SH2B2: variants seen among roughly 807,000 people sequenced by gnomAD.
SH2B2 encodes the protein SH2B adapter protein 2.
A neutral mutation model predicts 35.7 loss-of-function variants in SH2B2; 37 were observed. The ratio of observed to expected loss-of-function variants is 1.04; its 90% CI spans 0.80 to 1.36. The LOEUF is 1.36. Ranked by LOEUF, SH2B2 falls within the 40% of genes most tolerant of loss-of-function variation. The pLI is 0.00. For missense variants in SH2B2, 852 were observed against 817.7 expected (o/e 1.04, Z -0.51); for synonymous variants, 383 against 376.4 (o/e 1.02, Z -0.20).
intron 7 of SH2B2, among the ~76,000 whole-genome samples, chr7:102,319,520 G>A (rs1472011761): frequency 2.6e-5 from 4 of 152,120 alleles, no homozygotes; most frequent in South Asian, 2.1e-4. Flanking sequence ...GATTACAGGC[G>A]TGAGCCACCA....
chr7:102,318,655 G>T (rs781811524), intron 7 of SH2B2, among the ~76,000 whole-genome samples: 5 of 151,972 alleles, frequency 3.3e-5, no homozygotes, highest in Admixed American at 6.6e-5. Flanking sequence ...GCCTGCAGCT[G>T]GGGGACAGTG....
intron 7 of SH2B2, among the ~76,000 whole-genome samples, chr7:102,318,823 C>T (rs1329690200): frequency 6.6e-6 from 1 of 152,232 alleles, no homozygotes; most frequent in Non-Finnish European, 1.5e-5. Context: ...GTTCCTCCGA[C>T]AACCAGGTGC....
rs1554553834 is a variant in SH2B2, at chr7:102,301,270, G to A, written c.720G>A (p.Val240=). 1 of 1,603,814 alleles carries A rather than the reference G, an allele frequency of 6.2e-7. No homozygotes were observed. ...AEERFRLEFF[V]PPKASRPKVS... ...AACGCTTCCGCCTGGAGTTCTTCGT[G>A]CCGCCCAAAGTGAGTTACCCCATAA... The change falls in exon 2 of 9, where the codon GTG becomes GTA. Residue 240 remains valine (V), a synonymous_variant. Transcript: ENST00000444095.
intron 1 of SH2B2, 148 bp from the exon 2 acceptor site, chr7:102,300,374 C>A: frequency 9.5e-7 from 1 of 1,051,644 alleles, no homozygotes; most frequent in Non-Finnish European, 1.3e-6. Context: ...CTTGGAATGG[C>A]TGCCTGCTGT....
intron 2 of SH2B2, among the ~76,000 whole-genome samples, chr7:102,301,559 CGTGTGTGTGT>C (rs144412397): frequency 6.9e-6 from 1 of 145,072 alleles, no homozygotes; most frequent in Non-Finnish European, 1.5e-5. Flanking sequence ...TGTGTGTGTC[CGTGTGTGTGT>C]GTGTGTGTGT....
chr7:102,306,865 A>C, intron 3 of SH2B2, 43 bp downstream of exon 3: 1 of 1,458,074 alleles, frequency 6.9e-7, no homozygotes, highest in South Asian at 1.2e-5. Context: ...CAGCTGCCCC[A>C]GGCCACCTTC....
chr7:102,313,721 C>T (rs1370027384), intron 4 of SH2B2, among the ~76,000 whole-genome samples: 1 of 151,824 alleles, frequency 6.6e-6, no homozygotes, highest in Non-Finnish European at 1.5e-5. Flanking sequence ...ACCAGCCTGG[C>T]CAACACAGTG....
chr7:102,300,477 T>G (rs1411724471), intron 1 of SH2B2, 45 bp from the exon 2 acceptor site: 1 of 1,484,046 alleles, frequency 6.7e-7, no homozygotes, highest in Admixed American at 2.3e-5. Flanking sequence ...GGTGGGCGCA[T>G]TGATCACAGG....
chr7:102,293,034 G>C (rs1270025578), intron 1 of SH2B2: 1 of 153,546 alleles, frequency 6.5e-6, no homozygotes. Context: ...GGAGGTGGGC[G>C]GGGCTCCTGC....
intron 2 of SH2B2, among the ~76,000 whole-genome samples, chr7:102,303,655 C>T (rs1793279738): frequency 1.3e-5 from 2 of 152,194 alleles, no homozygotes; most frequent in Admixed American, 6.5e-5. Flanking sequence ...TGGGAGAAAT[C>T]CTAGACCCCT....
intron 6 of SH2B2, among the ~76,000 whole-genome samples, chr7:102,316,816 T>G (rs1231476530): frequency 3.3e-5 from 5 of 152,044 alleles, no homozygotes; most frequent in Non-Finnish European, 7.4e-5. Context: ...GTCAGGAGTT[T>G]GAGACCAGCC....
chr7:102,311,554 CT>C (rs1171961750), intron 4 of SH2B2, among the ~76,000 whole-genome samples: 5,400 of 104,430 alleles, frequency 0.052, 170 homozygotes, highest in African/African-American at 0.098. Context: ...TGCAACTGGC[CT>C]TTTTTTTTTT....
chr7:102,320,387 C>G lies in SH2B2; in HGVS notation c.1452C>G (p.Phe484Leu). ...AGTGTCACGTACAGCATCTGTGGTTCCAGTCTGTGCTTGACATGCTCCGCC... is the reference window on the plus strand; with the variant it reads ...AGTGTCACGTACAGCATCTGTGGTTGCAGTCTGTGCTTGACATGCTCCGCC... ...HGQCHVQHLWFQSVLDMLRHF... is the reference protein window; with the variant it reads ...HGQCHVQHLWLQSVLDMLRHF... Residue 484 changes from phenylalanine to leucine, a missense_variant, in exon 8 of 9, where the codon TTC becomes TTG. Physicochemically the swap from Phe to Leu is conservative, Grantham distance 22 (BLOSUM62 0). Around this residue, in one of 3 missense-constraint regions of SH2B2, gnomAD observed 556 missense variants for 514.5 expected, o/e 1.08. Coordinates refer to ENST00000444095, the MANE Select transcript of SH2B2 (RefSeq NM_001359228.2). 6.2e-7 allele frequency: 1 copy of G among 1,613,540 alleles called. No individual in the cohort carries two copies. The highest frequency in any genetic ancestry group is 8.5e-7 in the Non-Finnish European group (1 of 1,179,882).
In SH2B2 at chr7:102,306,714, C is replaced by A. The variant is rs903767247; in HGVS notation, c.730-7C>A. The A allele has an allele frequency of 1.1e-5, 17 of 1,574,440 alleles. No individual in the cohort carries two copies. Among genetic ancestry groups the A allele is most frequent in the Middle Eastern group, 1.7e-4 (1 of 6,040 alleles). On this transcript the variant is annotated splice_polypyrimidine_tract_variant and splice_region_variant and intron_variant, in intron 2 of 8. Transcript: ENST00000444095. Reference sequence around the variant, plus strand: ...GGGCCACTCACTATCCTTCTTCTGGCCCCCAGGCCTCCAGGCCCAAGGTCA... The same window carrying A: ...GGGCCACTCACTATCCTTCTTCTGGACCCCAGGCCTCCAGGCCCAAGGTCA...
chr7:102,315,779 AGGAG>A (rs1258539158), intron 6 of SH2B2, among the ~76,000 whole-genome samples: 17 of 99,760 alleles, frequency 1.7e-4, no homozygotes, highest in Admixed American at 4.9e-4. Context: ...AAAAGAAGAA[AGGAG>A]GGAGGGAGGG....
chr7:102,301,028 C>A lies in SH2B2; in HGVS notation c.478C>A (p.Pro160Thr). Residue 160 changes from proline (P) to threonine (T), a missense_variant, in exon 2 of 9, where the codon CCC becomes ACC. Transcript: ENST00000444095. ...GTGGCACCGGCGCGCCTCGCCCGAGCCCGACGCGGCAGCTGCCCCGCGCAC... is the reference window on the plus strand; with the variant it reads ...GTGGCACCGGCGCGCCTCGCCCGAGACCGACGCGGCAGCTGCCCCGCGCAC... ...DMWHRRASPE[P>T]DAAAAPRTAE... The A allele has an allele frequency of 7.2e-7, 1 of 1,381,820 alleles. No homozygotes were observed. Among genetic ancestry groups the A allele is most frequent in the South Asian group, 1.5e-5 (1 of 64,972 alleles). The allele number at this position is 1,381,820 out of a possible 1,614,324, so 85.6% of individuals were successfully genotyped here. A position where few individuals can be genotyped will look rare whatever the true frequency, so the allele number is the denominator to read the frequency against.
upstream of SH2B2, chr7:102,285,374 G>A (rs1184874856): frequency 1.3e-6 from 1 of 748,262 alleles, no homozygotes; most frequent in Non-Finnish European, 2.3e-6. Flanking sequence ...CCCCCTTCCC[G>A]GCCTCATTCA....
intron 6 of SH2B2, among the ~76,000 whole-genome samples, chr7:102,316,927 G>A (rs528166686): frequency 3.3e-5 from 5 of 152,112 alleles, no homozygotes; most frequent in South Asian, 2.1e-4. Context: ...GCTGAGGCAG[G>A]AGAATCGCTT....
upstream of SH2B2, among the ~76,000 whole-genome samples, chr7:102,285,642 G>A (rs570618198): frequency 1.2e-4 from 19 of 152,282 alleles, no homozygotes; most frequent in African/African-American, 4.1e-4. Context: ...TCCCTAAGAA[G>A]GGTTTGATAA....
Sources: gnomAD v4.1 joint callset for allele counts (sites outside exome capture counted in the v4.1 genomes callset) on GRCh38, gnomAD v4.1.1 for gene constraint, gnomAD v4.1.1 regional missense constraint, MANE v1.5 for transcripts, NCBI Gene and HGNC (gene_info 2026-07-23, HGNC 2026-07-21) for gene names.